DIAPH2: variants seen among roughly 807,000 people sequenced by gnomAD.
The protein encoded by DIAPH2 is diaphanous related formin 2.
A neutral mutation model predicts 92.7 loss-of-function variants in DIAPH2; 35 were observed. The ratio of observed to expected loss-of-function variants is 0.38; its 90% CI spans 0.29 to 0.50. The LOEUF (loss-of-function observed/expected upper bound fraction) is 0.50. Among genes scored for constraint, DIAPH2 ranks in the 20% least tolerant of loss-of-function variants. DIAPH2 has a pLI of 0.94. For missense variants in DIAPH2, 701 were observed against 819.5 expected (o/e 0.86, Z 1.77); for synonymous variants, 301 against 280.4 (o/e 1.07, Z -0.73).
intron 23 of DIAPH2, among the ~76,000 whole-genome samples, chrX:97,344,290 G>C (rs2069137844): frequency 9.0e-6 from 1 of 111,696 alleles, no homozygotes; most frequent in African/African-American, 3.2e-5. Context: ...TACATCTGTA[G>C]TCCCAGCTAC....
chrX:97,579,371 G>C (rs2071421970), intron 26 of DIAPH2, among the ~76,000 whole-genome samples: 1 of 110,413 alleles, frequency 9.1e-6, no homozygotes, highest in Admixed American at 9.6e-5. Flanking sequence ...AAGGGATCCA[G>C]TTTCAGCTTT....
At chrX:97,043,484 A>T (rs2147888136) in intron 17 of DIAPH2, among the ~76,000 whole-genome samples, 1 of 110,386 alleles carries the variant, frequency 9.1e-6, no homozygotes, top group East Asian at 2.9e-4. Flanking sequence ...TCTGTTGGGG[A>T]AGTCAGTTGT....
At chrX:97,568,013 G>C (rs976189582) in intron 26 of DIAPH2, among the ~76,000 whole-genome samples, 1 of 104,250 alleles carries the variant, frequency 9.6e-6, no homozygotes. Context: ...CTACTCAGGA[G>C]GCTGAGGCAG....
intron 26 of DIAPH2, among the ~76,000 whole-genome samples, chrX:97,510,643 G>C (rs2070881683): frequency 9.8e-6 from 1 of 101,794 alleles, no homozygotes; most frequent in Admixed American, 1.1e-4. Flanking sequence ...ATGGTTTTAG[G>C]TCTAACGTTT....
At chrX:97,364,316 A>G (rs1243757821) in intron 24 of DIAPH2, among the ~76,000 whole-genome samples, 2 of 111,785 alleles carry the variant, frequency 1.8e-5, no homozygotes, top group Non-Finnish European at 3.8e-5. Context: ...TGGATCAGAG[A>G]ATTCAGGCAA....
chrX:96,793,735 C>T (rs2064518108), intron 4 of DIAPH2: 1 of 313,719 alleles, frequency 3.2e-6, no homozygotes, highest in Non-Finnish European at 6.1e-6. Context: ...CCAAAGATCC[C>T]ACCTCCTAAT....
rs781516956 is a variant in DIAPH2, at chrX:97,174,083, A to C, written c.2719+32289A>C. The stretch of plus-strand genomic sequence containing the variant: ...TATAATAATTATATTATATAATTAT[A>C]ATATATAAAATTGTTATATAATAAA... On this transcript the variant is annotated intron_variant, in intron 22 of 26. Transcript: ENST00000324765. Among the ~76,000 whole-genome samples the C allele has an allele frequency of 8.6e-3, 402 of 46,549 alleles. 3 individuals are homozygous for C. The highest frequency in any genetic ancestry group is 0.015 in the African/African-American group (369 of 25,307). 40.4% of individuals were successfully genotyped at this position (46,549 alleles called of 115,157 possible).
intron 1 of DIAPH2, among the ~76,000 whole-genome samples, chrX:96,724,626 A>G (rs1347022448): frequency 1.8e-5 from 2 of 111,629 alleles, no homozygotes; most frequent in African/African-American, 6.5e-5. Context: ...AAAGTCAAAG[A>G]GTTGTAGGCA....
chrX:97,474,828 A>G (rs2070591720), intron 26 of DIAPH2, among the ~76,000 whole-genome samples: 1 of 110,820 alleles, frequency 9.0e-6, no homozygotes, highest in African/African-American at 3.3e-5. Flanking sequence ...TCGTTCTGGG[A>G]TGGACTAGAT....
chrX:96,895,746 T>A (rs989616367), intron 5 of DIAPH2, among the ~76,000 whole-genome samples: 2 of 112,100 alleles, frequency 1.8e-5, no homozygotes, highest in African/African-American at 6.5e-5. Context: ...GTGATTGGTC[T>A]GGCAAAACAT....
intron 5 of DIAPH2, among the ~76,000 whole-genome samples, chrX:96,889,566 G>T (rs1043194261): frequency 1.8e-5 from 2 of 112,058 alleles, no homozygotes; most frequent in African/African-American, 6.5e-5. Flanking sequence ...ATATCACATG[G>T]ATAATCCTAC....
chrX:97,430,914 T>C (rs1359006046), intron 26 of DIAPH2, among the ~76,000 whole-genome samples: 2 of 112,328 alleles, frequency 1.8e-5, no homozygotes, highest in Non-Finnish European at 3.8e-5. Flanking sequence ...CCCTGAGAGA[T>C]TAACCTAAAG....
chrX:97,185,327 G>GTATATATATATATATA (rs1262703134), intron 22 of DIAPH2, among the ~76,000 whole-genome samples: 1 of 3,877 alleles, frequency 2.6e-4, no homozygotes, highest in Non-Finnish European at 4.3e-4. Flanking sequence ...ATATATATGT[G>GTATATATATATATATA]TATATATATA....
At chrX:96,807,943 G>A (rs1338000092) in intron 4 of DIAPH2, among the ~76,000 whole-genome samples, 1 of 3,554 alleles carries the variant, frequency 2.8e-4, no homozygotes, top group Non-Finnish European at 4.3e-4. Context: ...TGTAGAAATA[G>A]CAAAAAAAAA....
chrX:97,020,165 G>C (rs1187608356), intron 17 of DIAPH2, among the ~76,000 whole-genome samples: 1 of 112,405 alleles, frequency 8.9e-6, no homozygotes, highest in Non-Finnish European at 1.9e-5. Flanking sequence ...TTTAACAAAG[G>C]ATGGTTAATG....
chrX:96,975,215 C>T (rs1025817209), intron 17 of DIAPH2, among the ~76,000 whole-genome samples: 1 of 111,541 alleles, frequency 9.0e-6, no homozygotes, highest in African/African-American at 3.3e-5. Context: ...TCTTTAGGAT[C>T]ATATTTTAAT....
At chrX:97,110,206 A>C (rs1467729576) in intron 20 of DIAPH2, among the ~76,000 whole-genome samples, 1 of 111,648 alleles carries the variant, frequency 9.0e-6, no homozygotes, top group Non-Finnish European at 1.9e-5. Flanking sequence ...GTGCTCCACA[A>C]GATGCAGCTT....
intron 24 of DIAPH2, among the ~76,000 whole-genome samples, chrX:97,351,303 C>T (rs1422962778): frequency 1.8e-5 from 2 of 112,377 alleles, no homozygotes; most frequent in Non-Finnish European, 3.8e-5. Context: ...TCTGACTATC[C>T]TTTCCATTAA....
chrX:97,558,269 C>A (rs1424890190), intron 26 of DIAPH2, among the ~76,000 whole-genome samples: 1 of 111,700 alleles, frequency 9.0e-6, no homozygotes, highest in Non-Finnish European at 1.9e-5. Flanking sequence ...CAGTGGAAGA[C>A]CCAACTCTTT....
Sources: gnomAD v4.1 joint callset for allele counts (sites outside exome capture counted in the v4.1 genomes callset) on GRCh38, gnomAD v4.1.1 for gene constraint, MANE v1.5 for transcripts, NCBI Gene and HGNC (gene_info 2026-07-23, HGNC 2026-07-21) for gene names.